The following PLCL1 variants were observed in gnomAD, a reference collection of about 807,000 sequenced individuals.
PLCL1 encodes phospholipase C like 1 (inactive), also known as inactive phospholipase C-like protein 1.
PLCL1 carries 41 observed loss-of-function variants against 84.4 expected under a neutral mutation model. The ratio of observed to expected loss-of-function variants is 0.49; its 90% CI spans 0.38 to 0.63. The LOEUF (loss-of-function observed/expected upper bound fraction) is 0.63, where lower values mean the gene tolerates loss of function less well. PLCL1 is among the 30% of genes least tolerant of loss of function. PLCL1 has a pLI of 0.00. For synonymous variants in PLCL1, 490 were observed against 488.3 expected (o/e 1.00, Z -0.05); for missense variants, 1,206 against 1,367.8 (o/e 0.88, Z 1.87).
intron 5 of PLCL1, among the ~76,000 whole-genome samples, chr2:198,113,524 C>T (rs1417795507): frequency 6.6e-6 from 1 of 151,796 alleles, no homozygotes; most frequent in Non-Finnish European, 1.5e-5. Context: ...AAGTGCATGA[C>T]ACTATGAGAG....
chr2:198,145,649 G>A (rs1426532544), intron 5 of PLCL1, among the ~76,000 whole-genome samples: 1 of 152,198 alleles, frequency 6.6e-6, no homozygotes, highest in South Asian at 2.1e-4. Flanking sequence ...ATTAAAAGCT[G>A]CTATTAGAAG....
intron 3 of PLCL1, among the ~76,000 whole-genome samples, chr2:198,092,696 A>C (rs12613073): frequency 0.42 from 63,412 of 151,708 alleles, 14,243 homozygotes; most frequent in African/African-American, 0.59. Context: ...CTCTCCCCAT[A>C]CATTCCTTTG....
At chr2:197,833,849 T>C (rs754445624) in intron 1 of PLCL1, among the ~76,000 whole-genome samples, 4 of 152,148 alleles carry the variant, frequency 2.6e-5, no homozygotes, top group African/African-American at 4.8e-5. Context: ...AAAGAGCTGG[T>C]ATAGCCAAGA....
intron 1 of PLCL1, among the ~76,000 whole-genome samples, chr2:197,883,799 T>A (rs1687871670): frequency 6.6e-6 from 1 of 152,212 alleles, no homozygotes; most frequent in Non-Finnish European, 1.5e-5. Context: ...AGGAGATAAT[T>A]CTTCCTTATA....
chr2:198,019,924 G>A (rs1454853538), intron 1 of PLCL1, among the ~76,000 whole-genome samples: 1 of 152,124 alleles, frequency 6.6e-6, no homozygotes, highest in Non-Finnish European at 1.5e-5. Context: ...GCAACCCCAA[G>A]ACACATAATC....
intron 1 of PLCL1, among the ~76,000 whole-genome samples, chr2:198,038,844 C>A (rs1302887419): frequency 0.015 from 1,750 of 119,226 alleles, no homozygotes; most frequent in Middle Eastern, 0.021. Context: ...CATTAAAGGT[C>A]AAAAAAAAAA....
Position 198,002,216 on chromosome 2 carries a change from A to G in PLCL1, c.241-81542A>G, listed in dbSNP as rs192126991. 2.5e-3 allele frequency among the ~76,000 whole-genome samples: 383 copies of G among 152,204 alleles called. 3 individuals are homozygous for G. Among genetic ancestry groups the G allele is most frequent in the Middle Eastern group, 6.8e-3 (2 of 294 alleles). Reference sequence around the variant, plus strand: ...TCCTATTGTACCCCACAATTTATGTATCTATTCTTCAGTTGATGGGCTTGT... The same window carrying G: ...TCCTATTGTACCCCACAATTTATGTGTCTATTCTTCAGTTGATGGGCTTGT... On this transcript the variant is annotated intron_variant, in intron 1 of 5. Coordinates refer to ENST00000428675, the MANE Select transcript of PLCL1 (RefSeq NM_006226.4).
intron 1 of PLCL1, among the ~76,000 whole-genome samples, chr2:197,947,529 G>A (rs766626691): frequency 1.3e-5 from 2 of 152,072 alleles, no homozygotes; most frequent in African/African-American, 4.8e-5. Context: ...CCTTAATGAC[G>A]AGAAGCAACC....
intron 1 of PLCL1, among the ~76,000 whole-genome samples, chr2:198,067,197 C>T (rs915446136): frequency 3.4e-4 from 50 of 148,812 alleles, no homozygotes; most frequent in Admixed American, 3.0e-3. Flanking sequence ...GGCTCAATCT[C>T]GGCTCACTGC....
chr2:198,099,889 A>G (rs1438746536), intron 3 of PLCL1, among the ~76,000 whole-genome samples: 1 of 152,174 alleles, frequency 6.6e-6, no homozygotes, highest in Non-Finnish European at 1.5e-5. Flanking sequence ...ATGTTTGAGT[A>G]TTATATTTCT....
intron 1 of PLCL1, among the ~76,000 whole-genome samples, chr2:198,050,032 G>A (rs1177465491): frequency 2.0e-5 from 3 of 152,172 alleles, no homozygotes; most frequent in East Asian, 1.9e-4. Flanking sequence ...ATGCCCCAGC[G>A]CTTAGACAAG....
At chr2:197,879,046 C>T (rs577280266) in intron 1 of PLCL1, among the ~76,000 whole-genome samples, 17 of 152,302 alleles carry the variant, frequency 1.1e-4, no homozygotes, top group South Asian at 2.1e-4. Flanking sequence ...GTCTTCCTCC[C>T]GCTGGGGCAC....
At position 197,836,433 on chromosome 2, in the gene PLCL1, C is replaced by CGA. The variant is rs1691188984; in HGVS notation, c.240+31097_240+31098dup. ...CTGCACTCCAGCCTGGGCGACAGAG[C>CGA]GAGACTCCGTCTCAAAAAAAAAAAA... On this transcript the variant is annotated intron_variant, in intron 1 of 5. Coordinates refer to ENST00000428675, the MANE Select transcript of PLCL1 (RefSeq NM_006226.4). 3.8e-5 allele frequency among the ~76,000 whole-genome samples: 4 copies of CGA among 106,242 alleles called. No individual in the cohort carries two copies. In the South Asian group the frequency reaches 1.3e-3, roughly 34 times the overall value. The allele number at this position is 106,242 out of a possible 152,430, so 69.7% of individuals were successfully genotyped here.
chr2:198,105,404 T>G (rs2105915204), intron 5 of PLCL1, among the ~76,000 whole-genome samples: 1 of 152,128 alleles, frequency 6.6e-6, no homozygotes, highest in Non-Finnish European at 1.5e-5. Flanking sequence ...TGCCATGCTG[T>G]TTTGATTACT....
chr2:198,101,336 A>G lies in PLCL1; in HGVS notation c.2971A>G (p.Lys991Glu). 2 of 1,587,410 alleles carry G rather than the reference A, an allele frequency of 1.3e-6. No homozygotes were observed. Among genetic ancestry groups the G allele is most frequent in the Non-Finnish European group, 1.7e-6 (2 of 1,158,374 alleles). ...LIEMADTVQE[K>E]IVQCQKAGME... ...AGAAATGGCGGACACAGTCCAGGAA[A>G]AGATTGTACAGTGTCAGAAAGCAGG... The change falls in exon 4 of 6, where the codon AAG (lysine) becomes GAG (glutamate). Residue 991 changes from lysine (K) to glutamate (E), a missense_variant. Lys to Glu is a moderately conservative substitution (Grantham distance 56). Transcript: ENST00000428675.
intron 1 of PLCL1, among the ~76,000 whole-genome samples, chr2:197,811,015 A>C (rs1273839484): frequency 6.6e-6 from 1 of 152,230 alleles, no homozygotes; most frequent in Non-Finnish European, 1.5e-5. Flanking sequence ...TAAATCAATA[A>C]ACTTTATTAT....
In PLCL1 at chr2:197,805,451, C is replaced by A; in HGVS notation, c.240+112C>A. ...ATCCGGGCTCAGCATTGTTTTCTCCCACCTCCTTCAACGCCAAACCTTCCT... is the reference window on the plus strand; with the variant it reads ...ATCCGGGCTCAGCATTGTTTTCTCCAACCTCCTTCAACGCCAAACCTTCCT... On this transcript the variant is annotated intron_variant, in intron 1 of 5. Coordinates refer to ENST00000428675, the MANE Select transcript of PLCL1 (RefSeq NM_006226.4). This position sits in a 1 kb window ranked among gnomAD's most constrained non-coding sequence, Gnocchi z 4.0. The A allele has an allele frequency of 3.0e-6, 3 of 1,014,720 alleles. No homozygotes were observed. Among genetic ancestry groups the A allele is most frequent in the Non-Finnish European group, 3.8e-6 (3 of 785,524 alleles). The allele number at this position is 1,014,720 out of a possible 1,614,324, so 62.9% of individuals were successfully genotyped here.
At chr2:198,125,441 G>A (rs1327722060) in intron 5 of PLCL1, among the ~76,000 whole-genome samples, 1 of 152,018 alleles carries the variant, frequency 6.6e-6, no homozygotes, top group Non-Finnish European at 1.5e-5. Context: ...ACAGATATGA[G>A]GAGTATTGGA....
chr2:197,955,595 G>A (rs1368786753), intron 1 of PLCL1, among the ~76,000 whole-genome samples: 1 of 151,362 alleles, frequency 6.6e-6, no homozygotes, highest in East Asian at 2.0e-4. Context: ...GTGTCCAAGT[G>A]TTCTCATTAT....
Sources: gnomAD v4.1 joint callset for allele counts (sites outside exome capture counted in the v4.1 genomes callset) on GRCh38, gnomAD v4.1.1 for gene constraint, Gnocchi (gnomAD v3.1) non-coding constraint, MANE v1.5 for transcripts, NCBI Gene and HGNC (gene_info 2026-07-23, HGNC 2026-07-21) for gene names.